The following OSBPL6 variants were observed in gnomAD, a reference collection of about 807,000 sequenced individuals.
OSBPL6 encodes oxysterol-binding protein-related protein 6.
Under a neutral mutation model 125.8 loss-of-function variants are expected in OSBPL6, and 49 were observed. That is an observed-to-expected ratio of 0.39 (90% CI 0.31 to 0.49). The LOEUF is 0.49. Among genes scored for constraint, OSBPL6 ranks in the 20% least tolerant of loss-of-function variants. The probability of loss-of-function intolerance (pLI) is 0.88; values close to 1 mark genes in which losing one functional copy is unlikely to be tolerated. For synonymous variants in OSBPL6, 394 were observed against 391.8 expected, an observed-to-expected ratio of 1.01 and a Z score of -0.07; for missense variants, 986 against 1,135.4, an observed-to-expected ratio of 0.87 and a Z score of 1.89.
At chr2:178,197,243 A>G (rs2088955032) in intron 1 of OSBPL6, among the ~76,000 whole-genome samples, 1 of 152,386 alleles carries the variant, frequency 6.6e-6, no homozygotes, top group South Asian at 2.1e-4. Context: ...TACAAACACT[A>G]AATAAAAACA....
At chr2:178,386,274 T>C (rs533428050) in intron 19 of OSBPL6, among the ~76,000 whole-genome samples, 1 of 152,288 alleles carries the variant, frequency 6.6e-6, no homozygotes, top group East Asian at 1.9e-4. Flanking sequence ...CTTGTGGAGA[T>C]GGCACGAAGT....
At chr2:178,269,374 G>A (rs976720017) in intron 1 of OSBPL6, among the ~76,000 whole-genome samples, 2 of 152,140 alleles carry the variant, frequency 1.3e-5, no homozygotes, top group South Asian at 2.1e-4. Context: ...TGAACAATTT[G>A]TCTTTTAATG....
At chr2:178,371,895 CTCTT>C (rs1297291777) in intron 13 of OSBPL6, among the ~76,000 whole-genome samples, 3 of 152,130 alleles carry the variant, frequency 2.0e-5, no homozygotes, top group African/African-American at 4.8e-5. Flanking sequence ...AATCTATTAA[CTCTT>C]TCAGCCCACC....
chr2:178,333,974 A>G (rs1484193897), intron 8 of OSBPL6, among the ~76,000 whole-genome samples: 1 of 152,196 alleles, frequency 6.6e-6, no homozygotes, highest in East Asian at 1.9e-4. Context: ...CCAAGCCCAC[A>G]TCTGTTCCCA....
chr2:178,244,254 A>G (rs929989438), intron 1 of OSBPL6, among the ~76,000 whole-genome samples: 3 of 152,076 alleles, frequency 2.0e-5, no homozygotes, highest in African/African-American at 7.2e-5. Flanking sequence ...CTTCACTGTC[A>G]CTTCCTCTGA....
chr2:178,383,056 C>G lies in OSBPL6; in HGVS notation c.1654C>G (p.Arg552Gly). 1 of 1,614,158 alleles carries G rather than the reference C, an allele frequency of 6.2e-7. No homozygotes were observed. Among genetic ancestry groups the G allele is most frequent in the Non-Finnish European group, 8.5e-7 (1 of 1,180,040 alleles). ...LNGELTGGAF[R>G]NGRRACLPAP... Reference sequence around the variant, plus strand: ...TGGGGAGCTTACAGGAGGGGCCTTCCGAAATGGGCGTCGAGCATGCCTGCC... The same window carrying G: ...TGGGGAGCTTACAGGAGGGGCCTTCGGAAATGGGCGTCGAGCATGCCTGCC... Residue 552 changes from arginine to glycine, a missense_variant, in exon 17 of 25, where the codon CGA (arginine) becomes GGA (glycine). Physicochemically the swap from Arg to Gly is moderately radical, Grantham distance 125. Coordinates refer to ENST00000190611, the MANE Select transcript of OSBPL6 (RefSeq NM_032523.4).
At chr2:178,209,439 C>CTTTTTTTTTTTTTTTTTTTTTTTTTTTT (rs71850875) in intron 1 of OSBPL6, among the ~76,000 whole-genome samples, 2 of 95,758 alleles carry the variant, frequency 2.1e-5, no homozygotes, top group Non-Finnish European at 4.2e-5. Flanking sequence ...TTCTTTCTTT[C>CTTTTTTTTTTTTTTTTTTTTTTTTTTTT]TTTTTTTTTT....
chr2:178,300,629 T>G (rs1686190240), intron 2 of OSBPL6, among the ~76,000 whole-genome samples: 1 of 152,182 alleles, frequency 6.6e-6, no homozygotes, highest in Non-Finnish European at 1.5e-5. Context: ...CCCAGCTAAT[T>G]TGTGTAGTTT....
intron 1 of OSBPL6, among the ~76,000 whole-genome samples, chr2:178,260,245 A>G (rs1445342766): frequency 6.6e-6 from 1 of 152,228 alleles, no homozygotes; most frequent in Non-Finnish European, 1.5e-5. Context: ...CATCATAACC[A>G]TATGGACTTA....
intron 1 of OSBPL6, among the ~76,000 whole-genome samples, chr2:178,244,620 G>A (rs1282357524): frequency 6.6e-6 from 1 of 152,164 alleles, no homozygotes; most frequent in Non-Finnish European, 1.5e-5. Flanking sequence ...CAACTGGAAG[G>A]CATTTGATAG....
At chr2:178,291,716 C>T (rs1205234888) in intron 2 of OSBPL6, among the ~76,000 whole-genome samples, 7 of 108,832 alleles carry the variant, frequency 6.4e-5, no homozygotes, top group African/African-American at 2.2e-4. Context: ...TTTCCTCCCT[C>T]CCTCCCTCCC....
At chr2:178,368,838 GC>G (rs1433415275) in intron 13 of OSBPL6, among the ~76,000 whole-genome samples, 1 of 142,014 alleles carries the variant, frequency 7.0e-6, no homozygotes, top group Non-Finnish European at 1.5e-5. Flanking sequence ...TCTCAGTGTT[GC>G]CCAGGCTGAA....
intron 1 of OSBPL6, among the ~76,000 whole-genome samples, chr2:178,243,910 C>A (rs1042556371): frequency 3.3e-5 from 5 of 152,206 alleles, no homozygotes; most frequent in African/African-American, 1.2e-4. Flanking sequence ...CTCAGCCTCC[C>A]AAAGTGTTGG....
chr2:178,256,403 A>G (rs1035813090), intron 1 of OSBPL6, among the ~76,000 whole-genome samples: 3 of 152,208 alleles, frequency 2.0e-5, no homozygotes, highest in African/African-American at 7.2e-5. Context: ...GTTGTGTAGT[A>G]TCATCTACCA....
chr2:178,232,460 G>A (rs1321339111), intron 1 of OSBPL6, among the ~76,000 whole-genome samples: 1 of 152,134 alleles, frequency 6.6e-6, no homozygotes, highest in Non-Finnish European at 1.5e-5. Context: ...CATGATCTTG[G>A]ATAAGCTATT....
At position 178,391,611 on chromosome 2, in the gene OSBPL6, G is replaced by A. The variant is rs11894669; in HGVS notation, c.2446+394G>A. On this transcript the variant is annotated intron_variant, in intron 22 of 24. Coordinates refer to ENST00000190611, the MANE Select transcript of OSBPL6 (RefSeq NM_032523.4). ...AATAAAACAAAGACTACAAACATTT[G>A]TAATCCACAAATTCAATAACTCACC... Among the ~76,000 whole-genome samples the A allele has an allele frequency of 9.2e-3, 1,400 of 152,206 alleles. 18 individuals are homozygous for A. The highest frequency in any genetic ancestry group is 0.028 in the African/African-American group (1,179 of 41,520).
intron 1 of OSBPL6, among the ~76,000 whole-genome samples, chr2:178,205,659 C>G (rs1173168171): frequency 6.6e-6 from 1 of 152,158 alleles, no homozygotes; most frequent in African/African-American, 2.4e-5. Context: ...AAAAATCAAG[C>G]AGCACAGCAG....
chr2:178,323,781 G>A (rs1407953724), intron 3 of OSBPL6: 1 of 153,412 alleles, frequency 6.5e-6, no homozygotes, highest in Admixed American at 6.5e-5. Flanking sequence ...ATTTTTTAAG[G>A]TAGACCTTTC....
At chr2:178,270,879 A>G (rs1201166711) in intron 1 of OSBPL6, among the ~76,000 whole-genome samples, 10 of 152,190 alleles carry the variant, frequency 6.6e-5, no homozygotes, top group Non-Finnish European at 7.3e-5. Context: ...AACTTGAACT[A>G]GGTTTTATCA....
Sources: allele counts gnomAD v4.1 joint callset (sites outside exome capture counted in the v4.1 genomes callset), GRCh38; gene constraint gnomAD v4.1.1; transcripts MANE v1.5; gene names NCBI Gene and HGNC (gene_info 2026-07-23, HGNC 2026-07-21).